The following SLC5A4 variants were observed in gnomAD, a reference collection of about 807,000 sequenced individuals.
SLC5A4 encodes probable glucose sensor protein SLC5A4.
In SLC5A4, 55 loss-of-function variants were observed where a neutral mutation model predicts 70.3. The ratio of observed to expected loss-of-function variants is 0.78; its 90% CI spans 0.63 to 0.98. SLC5A4 has a LOEUF of 0.98. SLC5A4 is among the 50% of genes least tolerant of loss of function. The pLI is 0.00. For missense variants in SLC5A4, 735 were observed against 839.2 expected, an observed-to-expected ratio of 0.88 and a Z score of 1.53; for synonymous variants, 268 against 305.7, an observed-to-expected ratio of 0.88 and a Z score of 1.29.
the SLC5A4 span, among the ~76,000 whole-genome samples, chr22:32,313,424 T>C: frequency 6.6e-6 from 1 of 152,176 alleles, no homozygotes; most frequent in Non-Finnish European, 1.5e-5. Context: ...ACAGATACCA[T>C]TCATACTGAC....
the SLC5A4 span, among the ~76,000 whole-genome samples, chr22:32,294,717 G>T: frequency 6.9e-6 from 1 of 145,842 alleles, no homozygotes; most frequent in African/African-American, 2.5e-5. Context: ...ACATTGTGCA[G>T]GTTAGTTACA....
At chr22:32,343,260 CAT>C in the SLC5A4 span, among the ~76,000 whole-genome samples, 1 of 152,182 alleles carries the variant, frequency 6.6e-6, no homozygotes, top group African/African-American at 2.4e-5. Context: ...GTGTTCTGGC[CAT>C]AGAGACATAG....
rs1291047699 is a variant in SLC5A4, at chr22:32,245,721, A to G, written c.477+1690T>C. 2.0e-5 allele frequency among the ~76,000 whole-genome samples: 3 copies of G among 152,210 alleles called. No homozygotes were observed. The East Asian group carries it at 5.8e-4, about 29-fold the overall frequency. On this transcript the variant is annotated intron_variant, in intron 5 of 14. Transcript: ENST00000266086. ...TGTTTAGTAGAGACGAGGTTTCACC[A>G]TGTTGGTCAGGATGGTCTCCATCTC... is the stretch of plus-strand genomic sequence containing the variant.
intron 6 of SLC5A4, among the ~76,000 whole-genome samples, chr22:32,237,964 T>A (rs1482069663): frequency 6.6e-6 from 1 of 152,150 alleles, no homozygotes; most frequent in African/African-American, 2.4e-5. Context: ...CTGAAACACA[T>A]GCTCTGTGAA....
At chr22:32,304,678 G>A in the SLC5A4 span, among the ~76,000 whole-genome samples, 2 of 152,114 alleles carry the variant, frequency 1.3e-5, no homozygotes, top group South Asian at 2.1e-4. Flanking sequence ...CCGTTCTTTG[G>A]CTTGTCTTTT....
chr22:32,224,551 A>G (rs538587572), intron 12 of SLC5A4, 69 bp from the exon 13 acceptor site: 35 of 1,246,040 alleles, frequency 2.8e-5, no homozygotes, highest in Non-Finnish European at 3.7e-5. Flanking sequence ...GTAAGTCATC[A>G]TTATAATCCT....
chr22:32,279,203 G>C, the SLC5A4 span, among the ~76,000 whole-genome samples: 1 of 152,258 alleles, frequency 6.6e-6, no homozygotes, highest in Admixed American at 6.5e-5. Flanking sequence ...GTGAACCCGG[G>C]AGGCGGAGCT....
chr22:32,320,038 C>T, the SLC5A4 span, among the ~76,000 whole-genome samples: 9 of 151,986 alleles, frequency 5.9e-5, no homozygotes, highest in Admixed American at 4.6e-4. Context: ...CCAAAGGATC[C>T]GGGAAGGGAG....
At chr22:32,258,626 CTGT>C (rs1291282953), upstream of SLC5A4, among the ~76,000 whole-genome samples, 2 of 152,124 alleles carry the variant, frequency 1.3e-5, no homozygotes, top group Admixed American at 1.3e-4. Flanking sequence ...CCCTTGTACA[CTGT>C]TGTTGAGGGT....
At chr22:32,249,950 G>T (rs181791629) in intron 3 of SLC5A4, among the ~76,000 whole-genome samples, 1 of 152,084 alleles carries the variant, frequency 6.6e-6, no homozygotes, top group Admixed American at 6.5e-5. Context: ...TGTATTTTAT[G>T]TGTGGTCCAA....
In SLC5A4 at chr22:32,221,023, C is replaced by G; in HGVS notation, c.1666-1G>C. On this transcript the variant is annotated splice_acceptor_variant, in intron 13 of 14. Coordinates refer to ENST00000266086, the MANE Select transcript of SLC5A4 (RefSeq NM_014227.3). LOFTEE classifies it high-confidence loss of function. ...GAAGAACCCAGCACAGGCGGTACAG[C>G]TGAACAGGGACCATACAAAAGTGCA... The G allele has an allele frequency of 2.5e-6, 4 of 1,604,912 alleles. No individual in the cohort carries two copies. The highest frequency in any genetic ancestry group is 2.6e-6 in the Non-Finnish European group (3 of 1,171,714).
the SLC5A4 span, among the ~76,000 whole-genome samples, chr22:32,332,778 A>G: frequency 0.016 from 2,491 of 152,268 alleles, 61 homozygotes; most frequent in African/African-American, 0.057. Flanking sequence ...AATTTTTAAT[A>G]CTGCTTTGGT....
the SLC5A4 span, chr22:32,271,298 G>T: frequency 1.3e-6 from 1 of 743,726 alleles, no homozygotes; most frequent in Admixed American, 2.0e-5. Flanking sequence ...GGCGAGGCCC[G>T]CAGGGAGGAG....
the SLC5A4 span, among the ~76,000 whole-genome samples, chr22:32,307,661 A>G: frequency 6.6e-6 from 1 of 152,198 alleles, no homozygotes; most frequent in Non-Finnish European, 1.5e-5. Context: ...CATGCACTGA[A>G]GCACCAGTGT....
At chr22:32,322,725 G>A in the SLC5A4 span, among the ~76,000 whole-genome samples, 1 of 152,204 alleles carries the variant, frequency 6.6e-6, no homozygotes, top group African/African-American at 2.4e-5. Context: ...CCTGCCCCTG[G>A]GCTTGTGCAT....
the SLC5A4 span, chr22:32,270,624 C>G: frequency 1.4e-6 from 1 of 735,722 alleles, no homozygotes; most frequent in Non-Finnish European, 2.5e-6. Context: ...GCCCCACGGT[C>G]TTTGCCGAAA....
rs769735578 is a variant in SLC5A4 at position 32,224,419 on chromosome 22, CAAACTCTGTTATCATACGA to C, written c.1494_1512del (p.Ile498MetfsTer44). 1.8e-5 allele frequency: 29 copies of C among 1,614,124 alleles called. No individual in the cohort carries two copies. Among genetic ancestry groups the C allele is most frequent in the Non-Finnish European group, 2.5e-5 (29 of 1,180,008 alleles). On this transcript the variant is annotated frameshift_variant, in exon 13 of 15. Transcript: ENST00000266086. LOFTEE classifies it high-confidence loss of function. ...GCCAAGCAACTCCCTGTTCCATAAG[CAAACTCTGTTATCATACGA>C]ATGAGGCCCATTGCAAGTCCAACCA...
the SLC5A4 span, among the ~76,000 whole-genome samples, chr22:32,303,602 ATC>A: frequency 8.8e-6 from 1 of 113,838 alleles, no homozygotes; most frequent in Non-Finnish European, 2.0e-5. Flanking sequence ...AGTAATATGC[ATC>A]TGTTTCCTCC....
the SLC5A4 span, among the ~76,000 whole-genome samples, chr22:32,277,837 C>A: frequency 6.6e-6 from 1 of 152,210 alleles, no homozygotes; most frequent in South Asian, 2.1e-4. Context: ...CGTGAGCCAC[C>A]GCGCCCAGCC....
Sources: gnomAD v4.1 joint callset for allele counts (sites outside exome capture counted in the v4.1 genomes callset) on GRCh38, gnomAD v4.1.1 for gene constraint, MANE v1.5 for transcripts, NCBI Gene and HGNC (gene_info 2026-07-23, HGNC 2026-07-21) for gene names.